Variants in PPM1H observed in about 807,000 individuals in gnomAD.
PPM1H encodes protein phosphatase, Mg2+/Mn2+ dependent 1H.
Under a neutral mutation model 54.9 loss-of-function variants are expected in PPM1H, and 27 were observed. The ratio of observed to expected loss-of-function variants is 0.49; its 90% CI spans 0.36 to 0.68. The LOEUF (loss-of-function observed/expected upper bound fraction) is 0.68. Among genes scored for constraint, PPM1H ranks in the 30% least tolerant of loss-of-function variants. The pLI, the probability that PPM1H is intolerant of heterozygous loss-of-function variation, is 0.00. For missense variants in PPM1H, 596 were observed against 667.8 expected (o/e 0.89, Z 1.19); for synonymous variants, 305 against 270.8 (o/e 1.13, Z -1.24).
intron 8 of PPM1H, among the ~76,000 whole-genome samples, chr12:62,669,082 G>A (rs556395026): frequency 6.6e-6 from 1 of 152,384 alleles, no homozygotes; most frequent in East Asian, 1.9e-4. Flanking sequence ...GGAGTACACT[G>A]CACTGGTGTT....
rs369916337 is a variant in PPM1H, at chr12:62,696,501, C to T, written c.1074-2502G>A. Among the ~76,000 whole-genome samples, 11 of 152,274 alleles carry T rather than the reference C, an allele frequency of 7.2e-5. No homozygotes were observed. In the East Asian group the frequency reaches 2.1e-3, roughly 29 times the overall value. ...AAAAGTACAACACCTTCTCCCCCTCCATCTTTCTGAATCCTAAGCACAGAT... is the reference window on the plus strand; with the variant it reads ...AAAAGTACAACACCTTCTCCCCCTCTATCTTTCTGAATCCTAAGCACAGAT... On this transcript the variant is annotated intron_variant, in intron 6 of 9. Transcript: ENST00000228705.
Position 62,646,830 on chromosome 12 carries a change from C to T in PPM1H, c.*1659G>A, listed in dbSNP as rs12317552. On this transcript the variant is annotated 3_prime_UTR_variant, in exon 10 of 10. Coordinates refer to ENST00000228705, the MANE Select transcript of PPM1H (RefSeq NM_020700.2). ...CTCCAGGCCTTTTCGAATACAATAC[C>T]GACAACTCCAGAAATGCAGGTGATT... 0.11 allele frequency: 16,952 copies of T among 152,184 alleles called. 1,699 individuals are homozygous for T. Among genetic ancestry groups the T allele is most frequent in the African/African-American group, 0.27 (11,081 of 41,474 alleles). 9.4% of individuals were successfully genotyped at this position (152,184 alleles called of 1,614,324 possible).
intron 1 of PPM1H, among the ~76,000 whole-genome samples, chr12:62,858,530 T>A (rs954881582): frequency 2.6e-5 from 4 of 152,194 alleles, no homozygotes; most frequent in African/African-American, 9.7e-5. Context: ...CTTGCAAGCA[T>A]GCAATCTGTC....
At chr12:62,866,092 G>T (rs568754795) in intron 1 of PPM1H, among the ~76,000 whole-genome samples, 1 of 152,200 alleles carries the variant, frequency 6.6e-6, no homozygotes, top group Admixed American at 6.5e-5. Flanking sequence ...TGTGGGAGGG[G>T]TGTCATTGGA....
intron 5 of PPM1H, among the ~76,000 whole-genome samples, chr12:62,734,712 A>C (rs777873193): frequency 2.6e-5 from 4 of 152,234 alleles, no homozygotes; most frequent in Non-Finnish European, 2.9e-5. Context: ...TCTTGTAGGA[A>C]AACAGAAACC....
At chr12:62,786,908 T>C (rs981854288) in intron 4 of PPM1H, among the ~76,000 whole-genome samples, 2 of 152,254 alleles carry the variant, frequency 1.3e-5, no homozygotes, top group African/African-American at 4.8e-5. Context: ...TTTCATGTAA[T>C]ACACGTTAGA....
At chr12:62,912,111 A>G (rs1871478963) in intron 1 of PPM1H, among the ~76,000 whole-genome samples, 1 of 152,238 alleles carries the variant, frequency 6.6e-6, no homozygotes, top group Admixed American at 6.5e-5. Context: ...TCTTGAGCCT[A>G]CAACGCAAAA....
chr12:62,783,994 TG>T (rs1217966485), intron 4 of PPM1H, among the ~76,000 whole-genome samples: 14 of 152,238 alleles, frequency 9.2e-5, no homozygotes, highest in Non-Finnish European at 1.9e-4. Flanking sequence ...GTTTGCATAT[TG>T]CTTTGCATGA....
In PPM1H at chr12:62,840,090, A is replaced by AC. The variant is rs1181495856; in HGVS notation, c.246-7812_246-7811insG. 5.1e-3 allele frequency: 726 copies of AC among 142,478 alleles called. 7 individuals are homozygous for AC. Among genetic ancestry groups the AC allele is most frequent in the African/African-American group, 0.02 (701 of 35,726 alleles). The allele number at this position is 142,478 out of a possible 1,614,324, so 8.8% of individuals were successfully genotyped here. On this transcript the variant is annotated intron_variant, in intron 1 of 9. Coordinates refer to ENST00000228705, the MANE Select transcript of PPM1H (RefSeq NM_020700.2). ...GAGAGAGAGAGAGAGAGAGAGCGAG[A>AC]GAAATAAAAAACAAAAACACACACA...
At chr12:62,649,626 A>G (rs774739817) in intron 9 of PPM1H, among the ~76,000 whole-genome samples, 2 of 152,244 alleles carry the variant, frequency 1.3e-5, no homozygotes, top group Non-Finnish European at 2.9e-5. Context: ...AGTCTATACC[A>G]TTAAGCATAT....
At chr12:62,883,059 T>C (rs968487437) in intron 1 of PPM1H, among the ~76,000 whole-genome samples, 1 of 152,216 alleles carries the variant, frequency 6.6e-6, no homozygotes. Context: ...TAACCTCCAC[T>C]AAAATGTATA....
At chr12:62,914,063 T>C (rs1339524453) in intron 1 of PPM1H, among the ~76,000 whole-genome samples, 1 of 152,172 alleles carries the variant, frequency 6.6e-6, no homozygotes, top group African/African-American at 2.4e-5. Context: ...CCCCACCAAG[T>C]CTCAGGTTGA....
chr12:62,748,563 C>T (rs2076425215), intron 4 of PPM1H, among the ~76,000 whole-genome samples: 1 of 149,116 alleles, frequency 6.7e-6, no homozygotes, highest in African/African-American at 2.5e-5. Context: ...CACACACACA[C>T]ACACGTGTGA....
intron 2 of PPM1H, among the ~76,000 whole-genome samples, chr12:62,813,259 T>C (rs1348028932): frequency 6.6e-6 from 1 of 152,230 alleles, no homozygotes; most frequent in Non-Finnish European, 1.5e-5. Context: ...CTTTACTCAC[T>C]GCACAGAGCT....
At chr12:62,849,686 A>G (rs1869106789) in intron 1 of PPM1H, among the ~76,000 whole-genome samples, 1 of 152,180 alleles carries the variant, frequency 6.6e-6, no homozygotes, top group Admixed American at 6.5e-5. Context: ...ATAAAATTCA[A>G]AGTACTAAAA....
chr12:62,799,473 C>G (rs1035171805), intron 3 of PPM1H, among the ~76,000 whole-genome samples: 1 of 152,084 alleles, frequency 6.6e-6, no homozygotes, highest in Non-Finnish European at 1.5e-5. Flanking sequence ...CAAGGAGAGC[C>G]CATTGTCAAA....
In PPM1H at chr12:62,648,634, TACCTACACAGGA is replaced by T. The variant is rs2075799643; in HGVS notation, c.1398-10_1399del. 1 of 1,613,586 alleles carries T rather than the reference TACCTACACAGGA, an allele frequency of 6.2e-7. No individual in the cohort carries two copies. The highest frequency in any genetic ancestry group is 1.1e-5 in the South Asian group (1 of 91,052). ...CACCAGGTCCTGAGCTGCCAGTGTGTACCTACACAGGAGAACCAGGAACGAGACAGTCAGTAG... is the reference window on the plus strand; with the variant it reads ...CACCAGGTCCTGAGCTGCCAGTGTGTGAACCAGGAACGAGACAGTCAGTAG... On this transcript the variant is annotated splice_acceptor_variant and splice_polypyrimidine_tract_variant and coding_sequence_variant and intron_variant, in exon 10 of 10. Coordinates refer to ENST00000228705, the MANE Select transcript of PPM1H (RefSeq NM_020700.2). LOFTEE classifies it high-confidence loss of function.
intron 5 of PPM1H, among the ~76,000 whole-genome samples, chr12:62,728,932 C>T (rs2076305028): frequency 6.6e-6 from 1 of 152,064 alleles, no homozygotes; most frequent in Non-Finnish European, 1.5e-5. Context: ...CATTTTCTTC[C>T]TCCTTTTGAT....
chr12:62,828,702 T>G (rs907852200), intron 2 of PPM1H, among the ~76,000 whole-genome samples: 6 of 152,200 alleles, frequency 3.9e-5, no homozygotes, highest in African/African-American at 1.4e-4. Context: ...TGATTTATCT[T>G]CCTCACTAGG....
Sources: allele counts gnomAD v4.1 joint callset (sites outside exome capture counted in the v4.1 genomes callset), GRCh38; gene constraint gnomAD v4.1.1; transcripts MANE v1.5; gene names NCBI Gene and HGNC (gene_info 2026-07-23, HGNC 2026-07-21).